Variants in DLGAP2 observed in about 807,000 individuals in gnomAD.
DLGAP2 encodes DLG associated protein 2.
A neutral mutation model predicts 100.3 loss-of-function variants in DLGAP2; 26 were observed. That is an observed-to-expected ratio of 0.26 (90% confidence interval 0.19 to 0.36). The LOEUF is 0.36. DLGAP2 is among the 10% of genes least tolerant of loss of function. The pLI, the probability that DLGAP2 is intolerant of heterozygous loss-of-function variation, is 1.00. For missense variants in DLGAP2, 1,858 were observed against 1,453.2 expected (o/e 1.28, Z -4.53); for synonymous variants, 886 against 630.1 (o/e 1.41, Z -6.08).
chr8:1,065,835 GGGTCCCA>G (rs1803227630), intron 2 of DLGAP2, among the ~76,000 whole-genome samples: 1 of 152,144 alleles, frequency 6.6e-6, no homozygotes, highest in Admixed American at 6.5e-5. Context: ...GGGATGGCCT[GGGTCCCA>G]GGAATTCCGG....
Position 1,004,086 on chromosome 8 carries a change from G to A in DLGAP2, c.73+96120G>A, listed in dbSNP as rs147600848. Among the ~76,000 whole-genome samples the A allele has an allele frequency of 2.6e-4, 39 of 152,170 alleles. No homozygotes were observed. The South Asian group carries it at 5.2e-3, about 20-fold the overall frequency. ...CAGAAGTGACATTTGGATTGTTTCC[G>A]ATCTTTTGGCTTTTATAGTATTAAA... On this transcript the variant is annotated intron_variant, in intron 2 of 14. Coordinates refer to ENST00000637795, the MANE Select transcript of DLGAP2 (RefSeq NM_001346810.2).
At chr8:1,115,769 C>T (rs190393248) in intron 2 of DLGAP2, among the ~76,000 whole-genome samples, 1 of 152,276 alleles carries the variant, frequency 6.6e-6, no homozygotes, top group Admixed American at 6.5e-5. Context: ...CAGCGGTCAG[C>T]CACACTCATT....
chr8:825,483 A>G (rs1796670267), intron 1 of DLGAP2, among the ~76,000 whole-genome samples: 1 of 152,172 alleles, frequency 6.6e-6, no homozygotes, highest in African/African-American at 2.4e-5. Flanking sequence ...AGCACCACCA[A>G]GTCCTGTGGG....
chr8:1,044,773 G>C (rs1035368374), intron 2 of DLGAP2, among the ~76,000 whole-genome samples: 1 of 152,118 alleles, frequency 6.6e-6, no homozygotes, highest in African/African-American at 2.4e-5. Context: ...ATACCCCCTC[G>C]CTATGGAAGA....
At chr8:1,169,274 G>C (rs1432428925) in intron 2 of DLGAP2, among the ~76,000 whole-genome samples, 2 of 152,260 alleles carry the variant, frequency 1.3e-5, no homozygotes, top group East Asian at 1.9e-4. Context: ...ATGCTGTTTT[G>C]GTTACTGTAG....
At position 1,352,263 on chromosome 8, in the gene DLGAP2, C is replaced by T. The variant is rs111481084; in HGVS notation, c.106+93380C>T. Among the ~76,000 whole-genome samples the T allele has an allele frequency of 2.9e-3, 165 of 57,812 alleles. 12 individuals are homozygous for T. Among genetic ancestry groups the T allele is most frequent in the African/African-American group, 9.6e-3 (160 of 16,616 alleles). 37.9% of individuals were successfully genotyped at this position (57,812 alleles called of 152,430 possible). A position where few individuals can be genotyped will look rare whatever the true frequency, so the allele number is the denominator to read the frequency against. On this transcript the variant is annotated intron_variant, in intron 3 of 14. Coordinates refer to ENST00000637795, the MANE Select transcript of DLGAP2 (RefSeq NM_001346810.2). Reference sequence around the variant, plus strand: ...TTGGAAAGGCCGTGTGGGTCCTGATCGTGTGTGGAAAGGACGTGCGGGTCC... The same window carrying T: ...TTGGAAAGGCCGTGTGGGTCCTGATTGTGTGTGGAAAGGACGTGCGGGTCC...
intron 6 of DLGAP2, among the ~76,000 whole-genome samples, chr8:1,586,772 T>C (rs1796134358): frequency 6.6e-6 from 1 of 152,232 alleles, no homozygotes; most frequent in Non-Finnish European, 1.5e-5. Context: ...TCTATGTTTT[T>C]ATTACTGCAC....
chr8:900,243 C>T (rs1798223855), intron 1 of DLGAP2, among the ~76,000 whole-genome samples: 1 of 139,316 alleles, frequency 7.2e-6, no homozygotes. Flanking sequence ...CTCTTCAGGG[C>T]ATTGCTCCCA....
intron 3 of DLGAP2, among the ~76,000 whole-genome samples, chr8:1,458,061 T>C (rs1798371572): frequency 6.8e-6 from 1 of 146,910 alleles, no homozygotes; most frequent in African/African-American, 2.5e-5. Flanking sequence ...TATATGTATA[T>C]GTATATAATT....
chr8:952,562 G>C (rs1376484362), intron 2 of DLGAP2, among the ~76,000 whole-genome samples: 3 of 152,076 alleles, frequency 2.0e-5, no homozygotes, highest in African/African-American at 7.2e-5. Flanking sequence ...ATTTGAGCCA[G>C]GGAGATGGAA....
chr8:848,317 A>G (rs114272050), intron 1 of DLGAP2, among the ~76,000 whole-genome samples: 7,973 of 145,240 alleles, frequency 0.055, 388 homozygotes, highest in African/African-American at 0.13. Flanking sequence ...CTGTTCCAGT[A>G]TAGGATCGTG....
intron 2 of DLGAP2, among the ~76,000 whole-genome samples, chr8:1,129,407 A>C (rs1176301248): frequency 1.3e-5 from 2 of 152,238 alleles, no homozygotes; most frequent in Middle Eastern, 3.4e-3. Context: ...ATCTCAAAAA[A>C]AAAAAAAAAA....
intron 3 of DLGAP2, among the ~76,000 whole-genome samples, chr8:1,335,703 T>TGCAGGAC (rs1394613985): frequency 2.0e-5 from 3 of 152,236 alleles, no homozygotes; most frequent in Non-Finnish European, 2.9e-5. Flanking sequence ...ATATTGTCTG[T>TGCAGGAC]GCAGGACGCA....
At chr8:1,333,171 C>T (rs771630917) in intron 3 of DLGAP2, among the ~76,000 whole-genome samples, 2 of 152,170 alleles carry the variant, frequency 1.3e-5, no homozygotes, top group East Asian at 1.9e-4. Flanking sequence ...AGGGACCATC[C>T]AGAAGCCTCC....
chr8:748,409 C>G (rs999161864), intron 1 of DLGAP2, among the ~76,000 whole-genome samples: 1 of 152,040 alleles, frequency 6.6e-6, no homozygotes, highest in South Asian at 2.1e-4. Context: ...GCATGCTCCA[C>G]GTAGCCACAG....
At chr8:810,177 G>A (rs1055916629) in intron 1 of DLGAP2, among the ~76,000 whole-genome samples, 1 of 152,206 alleles carries the variant, frequency 6.6e-6, no homozygotes, top group Non-Finnish European at 1.5e-5. Flanking sequence ...TTTCCACAGT[G>A]AATCTCATGC....
At chr8:1,548,568 C>CA (rs1158506190) in intron 4 of DLGAP2, 58 bp from the exon 5 acceptor site, 1 of 1,419,494 alleles carries the variant, frequency 7.0e-7, no homozygotes, top group African/African-American at 1.5e-5. Flanking sequence ...ATATTCCCCG[C>CA]ACCTGAGGGT....
Position 1,069,267 on chromosome 8 carries a change from G to A in DLGAP2, c.73+161301G>A, listed in dbSNP as rs193275622. On this transcript the variant is annotated intron_variant, in intron 2 of 14. Transcript: ENST00000637795. ...GGAAGTGGGAGAGGTGGTGGGGGCT[G>A]CCAGCTGGGCCGGACAGAGCTGGGG... Among the ~76,000 whole-genome samples the A allele has an allele frequency of 3.6e-3, 546 of 152,270 alleles. 7 individuals carry two copies. Among genetic ancestry groups the A allele is most frequent in the African/African-American group, 0.012 (480 of 41,542 alleles).
At chr8:1,168,975 G>A (rs1229491477) in intron 2 of DLGAP2, among the ~76,000 whole-genome samples, 1 of 146,230 alleles carries the variant, frequency 6.8e-6, no homozygotes, top group Non-Finnish European at 1.5e-5. Flanking sequence ...GTCCTGAATG[G>A]TATTGCCTAG....
Sources: gnomAD v4.1 joint callset for allele counts (sites outside exome capture counted in the v4.1 genomes callset) on GRCh38, gnomAD v4.1.1 for gene constraint, MANE v1.5 for transcripts, NCBI Gene and HGNC (gene_info 2026-07-23, HGNC 2026-07-21) for gene names.